PXMP2: variants seen among roughly 807,000 people sequenced by gnomAD.
PXMP2 encodes peroxisomal membrane protein 2, also known as 22 kDa peroxisomal membrane protein.
PXMP2 carries 13 observed loss-of-function variants against 20.2 expected under a neutral mutation model. The ratio of observed to expected loss-of-function variants is 0.64; its 90% CI spans 0.42 to 1.02. The LOEUF is 1.02. Ranked by LOEUF, PXMP2 falls within the 50% of genes least tolerant of loss-of-function variation. PXMP2 has a pLI of 0.00. For missense variants in PXMP2, 284 were observed against 251.8 expected (o/e 1.13, Z -0.87); for synonymous variants, 113 against 111.2 (o/e 1.02, Z -0.10).
chr12:132,698,119 T>G (rs1462098367), intron 3 of PXMP2, among the ~76,000 whole-genome samples: 1 of 151,676 alleles, frequency 6.6e-6, no homozygotes, highest in Non-Finnish European at 1.5e-5. Flanking sequence ...CAAGCAATTC[T>G]CTGCCTCAGC....
chr12:132,687,876 G>A, intron 1 of PXMP2, 84 bp downstream of exon 1: 2 of 1,078,464 alleles, frequency 1.9e-6, no homozygotes, highest in Non-Finnish European at 1.1e-6. Flanking sequence ...GCGCCGGGCC[G>A]GGACCAGGCT....
At chr12:132,693,682 T>C (rs2043387732) in intron 2 of PXMP2, among the ~76,000 whole-genome samples, 1 of 129,346 alleles carries the variant, frequency 7.7e-6, no homozygotes, top group African/African-American at 2.9e-5. Context: ...TGAGCGCCCT[T>C]GCCAGTTAGT....
rs771968786 is a variant in PXMP2, at chr12:132,701,358, G to A, written c.508G>A (p.Val170Ile). ...TPLQFININY[V>I]PLKFRVLFAN... Reference sequence around the variant, plus strand: ...ACTACAGTTCATCAACATCAACTACGTCCCTCTGAAGGTGAGGGCCACGGG... The same window carrying A: ...ACTACAGTTCATCAACATCAACTACATCCCTCTGAAGGTGAGGGCCACGGG... The change falls in exon 4 of 5, where the codon GTC becomes ATC. Residue 170 changes from valine to isoleucine, a missense_variant. Transcript: ENST00000317479. 3.7e-6 allele frequency: 6 copies of A among 1,612,562 alleles called. No homozygotes were observed. The highest frequency in any genetic ancestry group is 3.3e-5 in the Admixed American group (2 of 59,982).
Position 132,704,642 on chromosome 12 carries a change from G to A in PXMP2, c.543G>A (p.Leu181=). The A allele has an allele frequency of 1.3e-6, 2 of 1,482,624 alleles. No homozygotes were observed. Among genetic ancestry groups the A allele is most frequent in the Non-Finnish European group, 1.8e-6 (2 of 1,110,998 alleles). 91.8% of individuals were successfully genotyped at this position (1,482,624 alleles called of 1,614,324 possible). The change falls in exon 5 of 5, where the codon CTG becomes CTA. Residue 181 remains leucine (L), a synonymous_variant. Coordinates refer to ENST00000317479, the MANE Select transcript of PXMP2 (RefSeq NM_018663.3). ...PLKFRVLFAN[L]AALFWYAYLA... is the part of the protein sequence containing the mutation. ...AGTTCCGGGTGCTCTTCGCCAACCT[G>A]GCAGCTCTGTTCTGGTATGCCTACC...
chr12:132,693,755 T>TGCCAGTTAGTTAGTG (rs2043388407), intron 2 of PXMP2, among the ~76,000 whole-genome samples: 1 of 76,748 alleles, frequency 1.3e-5, no homozygotes. Flanking sequence ...TGAGCTCCCT[T>TGCCAGTTAGTTAGTG]AGCCAGTTAG....
chr12:132,693,676 C>T lies in PXMP2; in HGVS notation c.237-2208C>T, dbSNP rs547145673. On this transcript the variant is annotated intron_variant, in intron 2 of 4. Coordinates refer to ENST00000317479, the MANE Select transcript of PXMP2 (RefSeq NM_018663.3). The stretch of plus-strand genomic sequence containing the variant: ...GCGCCCTTGCCAGTTAGTTAGTGAG[C>T]GCCCTTGCCAGTTAGTTAGTGAGCT... 3.1e-5 allele frequency among the ~76,000 whole-genome samples: 4 copies of T among 129,328 alleles called. No individual in the cohort carries two copies. The East Asian group carries it at 9.8e-4, about 32-fold the overall frequency. 84.8% of individuals were successfully genotyped at this position (129,328 alleles called of 152,430 possible).
intron 2 of PXMP2, among the ~76,000 whole-genome samples, chr12:132,693,692 T>A: frequency 1.4e-5 from 2 of 139,450 alleles, no homozygotes; most frequent in Admixed American, 7.0e-5. Context: ...TGCCAGTTAG[T>A]TAGTGAGCTC....
At chr12:132,701,533 C>A (rs2043441946) in intron 4 of PXMP2, 164 bp downstream of exon 4, 1 of 981,836 alleles carries the variant, frequency 1.0e-6, no homozygotes, top group Non-Finnish European at 1.4e-6. Flanking sequence ...CTAGACTCCT[C>A]AACTACCCTT....
intron 2 of PXMP2, among the ~76,000 whole-genome samples, chr12:132,694,827 CAGTT>C (rs200839456): frequency 0.033 from 4,512 of 137,628 alleles, 164 homozygotes; most frequent in Admixed American, 0.1. Context: ...CGCCCTTAGC[CAGTT>C]AGTTAGCTCC....
chr12:132,694,838 C>G (rs2043400847), intron 2 of PXMP2, among the ~76,000 whole-genome samples: 1 of 138,766 alleles, frequency 7.2e-6, no homozygotes, highest in South Asian at 2.4e-4. Context: ...AGTTAGTTAG[C>G]TCCCTTAGCC....
intron 2 of PXMP2, 123 bp downstream of exon 2, chr12:132,690,499 A>C: frequency 1.4e-6 from 1 of 721,266 alleles, no homozygotes; most frequent in East Asian, 2.8e-5. Context: ...CCATTGTAGT[A>C]ATCATCATGG....
chr12:132,690,325 A>G lies in PXMP2; in HGVS notation c.185A>G (p.Glu62Gly). Residue 62 changes from glutamate (E) to glycine (G), a missense_variant, in exon 2 of 5, where the codon GAA becomes GGA. Coordinates refer to ENST00000317479, the MANE Select transcript of PXMP2 (RefSeq NM_018663.3). ...ATGATTGAGAAGAAGCGGAAAAAAGAAAACTCTAGAAGTCTGGATGTCGGT... is the reference window on the plus strand; with the variant it reads ...ATGATTGAGAAGAAGCGGAAAAAAGGAAACTCTAGAAGTCTGGATGTCGGT... ...AQMIEKKRKKENSRSLDVGGP... is the reference protein window; with the variant it reads ...AQMIEKKRKKGNSRSLDVGGP... The G allele has an allele frequency of 6.2e-7, 1 of 1,614,146 alleles. No individual in the cohort carries two copies. The highest frequency in any genetic ancestry group is 2.2e-5 in the East Asian group (1 of 44,876).
intron 2 of PXMP2, among the ~76,000 whole-genome samples, chr12:132,691,917 T>C (rs1187913933): frequency 1.3e-5 from 2 of 152,268 alleles, no homozygotes; most frequent in Non-Finnish European, 2.9e-5. Context: ...GGGGAATGAT[T>C]AGTAGCAACG....
rs1434293486 is a variant in PXMP2, at chr12:132,692,638, G to T, written c.236+2262G>T. ...GCCCTTAGCCAGTTAGATAGTGAGC[G>T]CCCTTAGCCAGTTAGTTAGTGAGCG... On this transcript the variant is annotated intron_variant, in intron 2 of 4. Transcript: ENST00000317479. Among the ~76,000 whole-genome samples, 606 of 110,164 alleles carry T rather than the reference G, an allele frequency of 5.5e-3. 28 individuals carry two copies. Among genetic ancestry groups the T allele is most frequent in the African/African-American group, 0.023 (573 of 24,644 alleles). 72.3% of individuals were successfully genotyped at this position (110,164 alleles called of 152,430 possible). A position where few individuals can be genotyped will look rare whatever the true frequency, so the allele number is the denominator to read the frequency against.
At chr12:132,693,957 T>A (rs2043390520) in intron 2 of PXMP2, among the ~76,000 whole-genome samples, 1 of 102,796 alleles carries the variant, frequency 9.7e-6, no homozygotes, top group Non-Finnish European at 2.1e-5. Flanking sequence ...TGCCAGTTAG[T>A]TAGTGAGCTC....
In PXMP2 at chr12:132,695,882, A is replaced by G. The variant is rs1214539771; in HGVS notation, c.237-2A>G. The stretch of plus-strand genomic sequence containing the variant: ...CTGGCTCACACCCCCTGGGGGCCTC[A>G]GGTTCTTCTTCACAGGGCCGCTGAG... On this transcript the variant is annotated splice_acceptor_variant, in intron 2 of 4. Coordinates refer to ENST00000317479, the MANE Select transcript of PXMP2 (RefSeq NM_018663.3). LOFTEE classifies it high-confidence loss of function. The G allele has an allele frequency of 3.1e-6, 5 of 1,603,086 alleles. No individual in the cohort carries two copies. The highest frequency in any genetic ancestry group is 1.7e-4 in the Middle Eastern group (1 of 6,032).
At chr12:132,702,014 C>T (rs760466267) in intron 4 of PXMP2, among the ~76,000 whole-genome samples, 18 of 152,180 alleles carry the variant, frequency 1.2e-4, no homozygotes, top group Non-Finnish European at 1.9e-4. Flanking sequence ...CACTTGAATC[C>T]GGGAGACGGA....
intron 2 of PXMP2, among the ~76,000 whole-genome samples, chr12:132,693,629 G>T (rs1436403594): frequency 1.6e-5 from 1 of 61,266 alleles, no homozygotes; most frequent in Non-Finnish European, 3.6e-5. Context: ...GCCAGTCAGT[G>T]AGCGCCCTTG....
At position 132,687,793 on chromosome 12, in the gene PXMP2, G is replaced by T; in HGVS notation, c.122+1G>T. Reference sequence around the variant, plus strand: ...CGGTGCTCACCAAGGCGGCCACCAGGTGAGCGGGGGCGCGGGAATCGGACG... The same window carrying T: ...CGGTGCTCACCAAGGCGGCCACCAGTTGAGCGGGGGCGCGGGAATCGGACG... On this transcript the variant is annotated splice_donor_variant, in intron 1 of 4. Transcript: ENST00000317479. LOFTEE classifies it high-confidence loss of function. 2 of 1,156,242 alleles carry T rather than the reference G, an allele frequency of 1.7e-6. No homozygotes were observed. Among genetic ancestry groups the T allele is most frequent in the Non-Finnish European group, 2.1e-6 (2 of 939,830 alleles). 71.6% of individuals were successfully genotyped at this position (1,156,242 alleles called of 1,614,324 possible). A position where few individuals can be genotyped will look rare whatever the true frequency, so the allele number is the denominator to read the frequency against.
Sources: gnomAD v4.1 joint callset for allele counts (sites outside exome capture counted in the v4.1 genomes callset) on GRCh38, gnomAD v4.1.1 for gene constraint, MANE v1.5 for transcripts, NCBI Gene and HGNC (gene_info 2026-07-23, HGNC 2026-07-21) for gene names.